Variants in SLC2A13 observed in about 807,000 individuals in gnomAD.
The protein encoded by SLC2A13 is solute carrier family 2 member 13.
A neutral mutation model predicts 64.4 loss-of-function variants in SLC2A13; 32 were observed. The observed-to-expected ratio is 0.50, with a 90% CI of 0.37 to 0.67. SLC2A13 has a LOEUF of 0.67. Among genes scored for constraint, SLC2A13 ranks in the 30% least tolerant of loss-of-function variants. The probability of loss-of-function intolerance (pLI) is 0.00; values close to 1 mark genes in which losing one functional copy is unlikely to be tolerated. For missense variants in SLC2A13, 743 were observed against 829.2 expected, an observed-to-expected ratio of 0.90 and a Z score of 1.28; for synonymous variants, 338 against 327.1, an observed-to-expected ratio of 1.03 and a Z score of -0.36.
At chr12:40,042,336 A>T (rs1301124459) in intron 2 of SLC2A13, among the ~76,000 whole-genome samples, 1 of 152,170 alleles carries the variant, frequency 6.6e-6, no homozygotes, top group Non-Finnish European at 1.5e-5. Flanking sequence ...CTATTAATAC[A>T]AATCACATGA....
chr12:40,096,522 T>A (rs1938949714), intron 1 of SLC2A13, among the ~76,000 whole-genome samples: 1 of 151,938 alleles, frequency 6.6e-6, no homozygotes, highest in Non-Finnish European at 1.5e-5. Context: ...ACAAAAAAAA[T>A]TAGAGACTCT....
intron 6 of SLC2A13, among the ~76,000 whole-genome samples, chr12:39,847,188 T>C (rs972012169): frequency 2.4e-4 from 37 of 152,152 alleles, no homozygotes; most frequent in African/African-American, 8.9e-4. Flanking sequence ...TGATTTGTAC[T>C]TCCTGCTGTC....
intron 3 of SLC2A13, among the ~76,000 whole-genome samples, chr12:39,982,671 T>C (rs1329751123): frequency 6.8e-6 from 1 of 147,518 alleles, no homozygotes; most frequent in Non-Finnish European, 1.5e-5. Flanking sequence ...CTCAAGGAAA[T>C]AAAAGAGGAT....
At chr12:39,877,414 A>C (rs1361401000) in intron 4 of SLC2A13, among the ~76,000 whole-genome samples, 1 of 152,210 alleles carries the variant, frequency 6.6e-6, no homozygotes, top group South Asian at 2.1e-4. Context: ...CCATGATTCA[A>C]TTACCTCCCA....
chr12:39,951,131 G>A, intron 4 of SLC2A13, 126 bp downstream of exon 4: 3 of 712,776 alleles, frequency 4.2e-6, no homozygotes, highest in Non-Finnish European at 6.5e-6. Flanking sequence ...CTCCCAAAAG[G>A]AGAATTCATA....
At chr12:40,076,044 T>A (rs1202875489) in intron 1 of SLC2A13, among the ~76,000 whole-genome samples, 1 of 152,206 alleles carries the variant, frequency 6.6e-6, no homozygotes, top group Non-Finnish European at 1.5e-5. Context: ...ACCATCTGGG[T>A]CATCTTGTAG....
chr12:39,810,989 T>C (rs1262108560), intron 7 of SLC2A13, among the ~76,000 whole-genome samples: 2 of 152,152 alleles, frequency 1.3e-5, no homozygotes. Context: ...TGAAAGAGTT[T>C]ATATAGGATT....
Position 39,764,541 on chromosome 12 carries a change from A to C in SLC2A13, c.1639T>G (p.Cys547Gly). The C allele has an allele frequency of 6.2e-7, 1 of 1,612,270 alleles. No homozygotes were observed. Among genetic ancestry groups the C allele is most frequent in the Non-Finnish European group, 8.5e-7 (1 of 1,179,250 alleles). Residue 547 changes from cysteine to glycine, a missense_variant, in exon 9 of 10, where the codon TGT (cysteine) becomes GGT (glycine). This residue lies in a region of SLC2A13 where 295 missense variants were observed against 381.7 expected (regional missense o/e 0.77). Coordinates refer to ENST00000280871, the MANE Select transcript of SLC2A13 (RefSeq NM_052885.4). Reference sequence around the variant, plus strand: ...AAAATCCAGTTTATTCCAGATGAACATGCATTTCCTGTACTTCTTGCCCAA... The same window carrying C: ...AAAATCCAGTTTATTCCAGATGAACCTGCATTTCCTGTACTTCTTGCCCAA... ...PLWARSTGNACSSGINWIFNV... is the reference protein window; with the variant it reads ...PLWARSTGNAGSSGINWIFNV...
chr12:40,054,023 C>T (rs1304372867), intron 1 of SLC2A13, among the ~76,000 whole-genome samples: 24 of 152,156 alleles, frequency 1.6e-4, no homozygotes, highest in Admixed American at 1.6e-3. Context: ...AGTAAAACTA[C>T]TGCTTAACTT....
chr12:39,906,137 AACTTTG>A lies in SLC2A13; in HGVS notation c.1035-34182_1035-34177del, dbSNP rs1945273406. ...TAATTCTTGCAGATACAGAACTTTG[AACTTTG>A]TTTTCAACTGAGTTCATCTTAGCAC... On this transcript the variant is annotated intron_variant, in intron 4 of 9. Transcript: ENST00000280871. Among the ~76,000 whole-genome samples the A allele has an allele frequency of 6.0e-5, 6 of 100,310 alleles. No individual in the cohort carries two copies. The South Asian group carries it at 1.7e-3, about 28-fold the overall frequency. 65.8% of individuals were successfully genotyped at this position (100,310 alleles called of 152,430 possible). A position where few individuals can be genotyped will look rare whatever the true frequency, so the allele number is the denominator to read the frequency against.
chr12:39,980,525 T>C (rs1946869980), intron 3 of SLC2A13, among the ~76,000 whole-genome samples: 1 of 151,744 alleles, frequency 6.6e-6, no homozygotes, highest in African/African-American at 2.4e-5. Flanking sequence ...GTTGCAATCC[T>C]AGTCTCTGAT....
intron 7 of SLC2A13, among the ~76,000 whole-genome samples, chr12:39,814,977 CTTT>C (rs927720847): frequency 6.8e-6 from 1 of 146,490 alleles, no homozygotes; most frequent in East Asian, 2.0e-4. Flanking sequence ...TCTTCTTACA[CTTT>C]TTTTTTTTCA....
chr12:40,028,629 T>C (rs1947860849), intron 2 of SLC2A13, 120 bp from the exon 3 acceptor site: 6 of 939,246 alleles, frequency 6.4e-6, no homozygotes, highest in Non-Finnish European at 4.7e-6. Context: ...CCAGAATTAT[T>C]TGTGCATTTA....
At chr12:39,788,474 G>A (rs927046779) in intron 7 of SLC2A13, 2 of 152,140 alleles carry the variant, frequency 1.3e-5, no homozygotes, top group African/African-American at 4.8e-5. Flanking sequence ...CACATCCCAG[G>A]TGGGACTGAG....
At chr12:39,782,374 TAGTG>T (rs906568106) in intron 7 of SLC2A13, among the ~76,000 whole-genome samples, 9 of 152,128 alleles carry the variant, frequency 5.9e-5, no homozygotes, top group Non-Finnish European at 1.3e-4. Flanking sequence ...ATTCTTGTAA[TAGTG>T]AGTAAGTGTC....
intron 4 of SLC2A13, among the ~76,000 whole-genome samples, chr12:39,898,516 T>C (rs1362834703): frequency 2.0e-5 from 3 of 152,150 alleles, no homozygotes; most frequent in African/African-American, 4.8e-5. Context: ...CCCTCTATCA[T>C]TGAACAGATT....
chr12:40,098,010 C>G (rs10454013), intron 1 of SLC2A13, among the ~76,000 whole-genome samples: 14,956 of 150,764 alleles, frequency 0.099, 896 homozygotes, highest in East Asian at 0.2. Flanking sequence ...GATTAAATGC[C>G]CTATATATGT....
intron 7 of SLC2A13, among the ~76,000 whole-genome samples, chr12:39,782,485 A>G (rs182383156): frequency 6.6e-6 from 1 of 152,150 alleles, no homozygotes; most frequent in African/African-American, 2.4e-5. Context: ...GCCTCTCACC[A>G]TGATTCTGAG....
chr12:39,822,879 T>C (rs952064740), intron 7 of SLC2A13, among the ~76,000 whole-genome samples: 1 of 152,244 alleles, frequency 6.6e-6, no homozygotes, highest in African/African-American at 2.4e-5. Flanking sequence ...ATTATTACAA[T>C]TAAATGTCAA....
Sources: allele counts gnomAD v4.1 joint callset (sites outside exome capture counted in the v4.1 genomes callset), GRCh38; gene constraint gnomAD v4.1.1; regional missense constraint gnomAD v4.1.1; transcripts MANE v1.5; gene names NCBI Gene and HGNC (gene_info 2026-07-23, HGNC 2026-07-21).